The following PCDHA2 variants were observed in gnomAD, a reference collection of about 807,000 sequenced individuals.
The protein encoded by PCDHA2 is protocadherin alpha-2.
PCDHA2 carries 58 observed loss-of-function variants against 66.0 expected under a neutral mutation model. The ratio of observed to expected loss-of-function variants is 0.88; its 90% confidence interval spans 0.71 to 1.09. The LOEUF is 1.09. PCDHA2 is among the 50% of genes least tolerant of loss of function. The pLI is 0.00. For missense variants in PCDHA2, 1,267 were observed against 1,242.3 expected, an observed-to-expected ratio of 1.02 and a Z score of -0.30; for synonymous variants, 634 against 554.0, an observed-to-expected ratio of 1.14 and a Z score of -2.03.
At chr5:140,800,064 A>T (rs185306883) in intron 1 of PCDHA2, among the ~76,000 whole-genome samples, 85 of 152,254 alleles carry the variant, frequency 5.6e-4, no homozygotes, top group Admixed American at 1.4e-3. Flanking sequence ...AACAACTTTT[A>T]AAAAAACTGG....
rs782205253 is a variant in PCDHA2, at chr5:140,927,557, T to C, written c.2389-51392T>C. 12 of 1,614,028 alleles carry C rather than the reference T, an allele frequency of 7.4e-6. No homozygotes were observed. In the East Asian group the frequency reaches 2.7e-4, roughly 36 times the overall value. On this transcript the variant is annotated intron_variant, in intron 1 of 3. Coordinates refer to ENST00000526136, the MANE Select transcript of PCDHA2 (RefSeq NM_018905.3). ...TCAGGAGACGCACAAGTCACCATCATTGTGGTGGACACAAATGACAACGCG... is the reference window on the plus strand; with the variant it reads ...TCAGGAGACGCACAAGTCACCATCACTGTGGTGGACACAAATGACAACGCG...
chr5:140,952,327 A>G (rs1407008388), intron 1 of PCDHA2, among the ~76,000 whole-genome samples: 2 of 134,678 alleles, frequency 1.5e-5, no homozygotes, highest in Non-Finnish European at 1.6e-5. Flanking sequence ...AACAAGAGTG[A>G]AACTCCATCT....
At chr5:140,916,270 G>T (rs1487301756) in intron 1 of PCDHA2, among the ~76,000 whole-genome samples, 2 of 152,180 alleles carry the variant, frequency 1.3e-5, no homozygotes, top group Non-Finnish European at 2.9e-5. Context: ...GAGCATGCTT[G>T]TTGCTCTACT....
At chr5:140,923,043 T>C (rs1274355780) in intron 1 of PCDHA2, among the ~76,000 whole-genome samples, 2 of 152,228 alleles carry the variant, frequency 1.3e-5, no homozygotes, top group Non-Finnish European at 1.5e-5. Context: ...ACATGTATAG[T>C]ATTTAGAATA....
chr5:140,899,664 G>T (rs1263525075), intron 1 of PCDHA2, among the ~76,000 whole-genome samples: 17 of 152,124 alleles, frequency 1.1e-4, no homozygotes, highest in Admixed American at 1.0e-3. Flanking sequence ...GTCTCTGCCC[G>T]GCTTTGGTAT....
chr5:140,798,381 T>C (rs947799432), intron 1 of PCDHA2, among the ~76,000 whole-genome samples: 1 of 152,188 alleles, frequency 6.6e-6, no homozygotes, highest in Non-Finnish European at 1.5e-5. Flanking sequence ...ATAGAGAGTA[T>C]TGAGAAAAGA....
intron 1 of PCDHA2, among the ~76,000 whole-genome samples, chr5:140,897,045 C>T (rs1362151452): frequency 3.3e-5 from 5 of 152,090 alleles, no homozygotes; most frequent in African/African-American, 9.7e-5. Context: ...TCACCCTATT[C>T]TGCTGTCAAA....
chr5:140,870,524 T>C (rs1554164360), intron 1 of PCDHA2: 35 of 1,614,076 alleles, frequency 2.2e-5, no homozygotes, highest in Non-Finnish European at 2.8e-5. Context: ...TGCCACATCT[T>C]CACAGTGTCG....
intron 1 of PCDHA2, chr5:140,809,102 G>T (rs532147064): frequency 7.4e-6 from 12 of 1,613,966 alleles, no homozygotes; most frequent in African/African-American, 1.3e-5. Context: ...TGCCCTGGAC[G>T]AAACGGACGC....
At chr5:140,927,511 G>A (rs1563093224) in intron 1 of PCDHA2, 1 of 1,614,120 alleles carries the variant, frequency 6.2e-7, no homozygotes, top group Non-Finnish European at 8.5e-7. Context: ...TACAGCTCGG[G>A]ACGGCGGGCT....
At position 140,796,267 on chromosome 5, in the gene PCDHA2, C is replaced by T. The variant is rs1554119803; in HGVS notation, c.1303C>T (p.Leu435=). The T allele has an allele frequency of 6.2e-7, 1 of 1,614,124 alleles. No homozygotes were observed. Among genetic ancestry groups the T allele is most frequent in the Non-Finnish European group, 8.5e-7 (1 of 1,180,054 alleles). The change falls in exon 1 of 4, where the codon CTG becomes TTG. Residue 435 remains leucine, a synonymous_variant. Coordinates refer to ENST00000526136, the MANE Select transcript of PCDHA2 (RefSeq NM_018905.3). ...CGCACGGGACGGGGGCTCGCCTTCA[C>T]TGTGGGCCACCACCAGCGTGTCCAT... ...VTARDGGSPS[L]WATTSVSIEV...
In PCDHA2 at chr5:140,843,133, C is replaced by T. The variant is rs2150353566; in HGVS notation, c.2388+45781C>T. The T allele has an allele frequency of 2.5e-6, 4 of 1,595,974 alleles. 1 individual carries two copies. The highest frequency in any genetic ancestry group is 3.4e-6 in the Non-Finnish European group (4 of 1,165,590). ...CAGTGGACGCCGACTCGGGCTACAA[C>T]GCGTGGCTTTCGTATGAGCTGCAGC... On this transcript the variant is annotated intron_variant, in intron 1 of 3. Transcript: ENST00000526136.
chr5:140,836,312 G>A, intron 1 of PCDHA2: 1 of 1,613,712 alleles, frequency 6.2e-7, no homozygotes, highest in Non-Finnish European at 8.5e-7. Flanking sequence ...CGGACGCACC[G>A]CGCCACCGCC....
chr5:140,812,658 C>T (rs1765153974), intron 1 of PCDHA2: 1 of 152,166 alleles, frequency 6.6e-6, no homozygotes, highest in African/African-American at 2.4e-5. Context: ...CAAGATCTCA[C>T]TATGATGTAC....
intron 1 of PCDHA2, among the ~76,000 whole-genome samples, chr5:140,839,867 G>C (rs996407179): frequency 6.6e-6 from 1 of 151,988 alleles, no homozygotes; most frequent in African/African-American, 2.4e-5. Flanking sequence ...GGTGGACTTT[G>C]AAAGATGAAT....
intron 1 of PCDHA2, among the ~76,000 whole-genome samples, chr5:140,964,144 C>A (rs970079716): frequency 6.6e-6 from 1 of 152,138 alleles, no homozygotes; most frequent in African/African-American, 2.4e-5. Context: ...TTGGCAGGAG[C>A]CTCAGTATAA....
intron 1 of PCDHA2, among the ~76,000 whole-genome samples, chr5:140,806,086 G>T (rs1554123533): frequency 6.6e-6 from 1 of 152,142 alleles, no homozygotes; most frequent in Admixed American, 6.5e-5. Context: ...TGTAAAAGAA[G>T]AAAAAATACC....
At chr5:140,966,641 A>C in intron 1 of PCDHA2, 5 of 1,104,534 alleles carry the variant, frequency 4.5e-6, no homozygotes, top group Non-Finnish European at 6.0e-6. Flanking sequence ...GGCGCTTTCT[A>C]GAGCGTGAGC....
intron 1 of PCDHA2, chr5:140,805,319 T>C (rs1554123334): frequency 7.9e-7 from 1 of 1,263,688 alleles, no homozygotes; most frequent in Non-Finnish European, 1.0e-6. Flanking sequence ...TTTTTTCCAA[T>C]GTGCTTGATG....
Sources: gnomAD v4.1 joint callset for allele counts (sites outside exome capture counted in the v4.1 genomes callset) on GRCh38, gnomAD v4.1.1 for gene constraint, MANE v1.5 for transcripts, NCBI Gene and HGNC (gene_info 2026-07-23, HGNC 2026-07-21) for gene names.